Variants in CRTC3 observed in about 807,000 individuals in gnomAD.
The protein encoded by CRTC3 is CREB regulated transcription coactivator 3.
In CRTC3, 26 loss-of-function variants were observed where a neutral mutation model predicts 74.5. The observed-to-expected ratio is 0.35, with a 90% CI of 0.26 to 0.48. The LOEUF is 0.48. Ranked by LOEUF, CRTC3 falls within the 20% of genes least tolerant of loss-of-function variation. The pLI is 0.99. For synonymous variants in CRTC3, 377 were observed against 325.8 expected (o/e 1.16, Z -1.69); for missense variants, 760 against 787.3 (o/e 0.97, Z 0.41).
intron 2 of CRTC3, among the ~76,000 whole-genome samples, chr15:90,587,754 C>CA (rs1174559861): frequency 6.6e-6 from 1 of 152,092 alleles, no homozygotes; most frequent in African/African-American, 2.4e-5. Flanking sequence ...GCTGGGACTA[C>CA]AAGCGTGAAC....
At chr15:90,541,023 T>C (rs548362695) in intron 2 of CRTC3, among the ~76,000 whole-genome samples, 1 of 152,342 alleles carries the variant, frequency 6.6e-6, no homozygotes, top group Non-Finnish European at 1.5e-5. Context: ...GTAGTCTGTA[T>C]TGCATTTAGA....
chr15:90,624,923 C>A (rs1320797995), intron 9 of CRTC3: 1 of 152,688 alleles, frequency 6.5e-6, no homozygotes, highest in African/African-American at 2.4e-5. Flanking sequence ...TATGTGCGTA[C>A]TGCAGTACAG....
At chr15:90,561,816 A>G (rs935089723) in intron 2 of CRTC3, among the ~76,000 whole-genome samples, 3 of 152,228 alleles carry the variant, frequency 2.0e-5, no homozygotes, top group African/African-American at 7.2e-5. Flanking sequence ...AGGAGTTAGA[A>G]TTGGTCCCTA....
At chr15:90,639,210 G>A (rs928098322) in intron 13 of CRTC3, among the ~76,000 whole-genome samples, 6 of 152,080 alleles carry the variant, frequency 3.9e-5, no homozygotes, top group Non-Finnish European at 4.4e-5. Flanking sequence ...CTGCACCCAG[G>A]CTGGTGCACC....
intron 2 of CRTC3, among the ~76,000 whole-genome samples, chr15:90,558,411 C>G (rs899022751): frequency 3.9e-5 from 6 of 152,140 alleles, no homozygotes; most frequent in African/African-American, 1.4e-4. Flanking sequence ...AGGGTAAAGG[C>G]AAAGTGCAAA....
rs1023739079 is a variant in CRTC3 at position 90,642,519 on chromosome 15, C to A, written c.*379C>A. ...TAGTGTGCTCAGAACCACTGATCTC[C>A]GTCCGCACCGAAGGCGGGCCCGGAG... On this transcript the variant is annotated 3_prime_UTR_variant, in exon 15 of 15. Transcript: ENST00000268184. 3.1e-6 allele frequency: 1 copy of A among 327,756 alleles called. No individual in the cohort carries two copies. Among genetic ancestry groups the A allele is most frequent in the Non-Finnish European group, 5.7e-6 (1 of 174,832 alleles). 20.3% of individuals were successfully genotyped at this position (327,756 alleles called of 1,614,324 possible).
chr15:90,586,198 T>C (rs1967656049), intron 2 of CRTC3, among the ~76,000 whole-genome samples: 1 of 152,154 alleles, frequency 6.6e-6, no homozygotes. Context: ...AGTTGTCTTA[T>C]GTAGAATTGC....
intron 13 of CRTC3, among the ~76,000 whole-genome samples, chr15:90,639,877 C>T (rs1035316841): frequency 1.3e-5 from 2 of 151,704 alleles, no homozygotes; most frequent in Non-Finnish European, 2.9e-5. Context: ...GAAACCTTGT[C>T]TCTACTAAAA....
chr15:90,603,415 C>G lies in CRTC3; in HGVS notation c.414-970C>G, dbSNP rs560280532. 3.5e-3 allele frequency among the ~76,000 whole-genome samples: 526 copies of G among 152,070 alleles called. 6 individuals are homozygous for G. Among genetic ancestry groups the G allele is most frequent in the African/African-American group, 0.012 (514 of 41,478 alleles). The stretch of plus-strand genomic sequence containing the variant: ...CCGAGATCACGCCACTGCACTCCAG[C>G]CTGGGTGACAGAGCGAGACTCCATC... On this transcript the variant is annotated intron_variant, in intron 4 of 14. Transcript: ENST00000268184.
chr15:90,576,689 C>T (rs1222468077), intron 2 of CRTC3, among the ~76,000 whole-genome samples: 2 of 152,096 alleles, frequency 1.3e-5, no homozygotes, highest in Non-Finnish European at 2.9e-5. Flanking sequence ...GCATGGAGCC[C>T]CAGGAGCCAG....
chr15:90,633,122 T>C (rs949300609), intron 11 of CRTC3, among the ~76,000 whole-genome samples: 1 of 152,232 alleles, frequency 6.6e-6, no homozygotes, highest in African/African-American at 2.4e-5. Flanking sequence ...AGTGTTTTTA[T>C]AGTTACAATG....
intron 2 of CRTC3, among the ~76,000 whole-genome samples, chr15:90,564,053 G>A (rs558694075): frequency 6.6e-6 from 1 of 152,186 alleles, no homozygotes; most frequent in Non-Finnish European, 1.5e-5. Flanking sequence ...CCCCAGAGTA[G>A]GTACTATTAC....
intron 3 of CRTC3, chr15:90,599,288 C>T (rs543990792): frequency 6.6e-6 from 1 of 152,306 alleles, no homozygotes; most frequent in East Asian, 1.9e-4. Context: ...ATGGAGGAGG[C>T]GCTGATGTGG....
In CRTC3 at chr15:90,629,215, T is replaced by A; in HGVS notation, c.968-19T>A. Reference sequence around the variant, plus strand: ...TTGGTCTGAAATTATAAGTAACTTGTGAATTTGTTGTCTTCCAGGTCTCCA... The same window carrying A: ...TTGGTCTGAAATTATAAGTAACTTGAGAATTTGTTGTCTTCCAGGTCTCCA... On this transcript the variant is annotated intron_variant, in intron 10 of 14. Transcript: ENST00000268184. The A allele has an allele frequency of 1.3e-6, 2 of 1,598,504 alleles. No individual in the cohort carries two copies. The highest frequency in any genetic ancestry group is 1.7e-6 in the Non-Finnish European group (2 of 1,170,410).
intron 2 of CRTC3, among the ~76,000 whole-genome samples, chr15:90,591,131 T>TC (rs1391490661): frequency 1.3e-5 from 2 of 151,148 alleles, no homozygotes; most frequent in Non-Finnish European, 3.0e-5. Context: ...TTTTTTTTTT[T>TC]TTAATTTTTT....
At chr15:90,583,535 C>T (rs1967591062) in intron 2 of CRTC3, among the ~76,000 whole-genome samples, 1 of 152,150 alleles carries the variant, frequency 6.6e-6, no homozygotes, top group Non-Finnish European at 1.5e-5. Flanking sequence ...AGGTTAAAAA[C>T]AAACAAAAAA....
At chr15:90,618,062 T>TG in intron 8 of CRTC3, 94 bp downstream of exon 8, 3 of 767,670 alleles carry the variant, frequency 3.9e-6, no homozygotes, top group South Asian at 3.1e-5. Flanking sequence ...CAAGAGGAAC[T>TG]GGGGGAAAAG....
At chr15:90,636,017 A>G (rs1237539405) in intron 11 of CRTC3, among the ~76,000 whole-genome samples, 2 of 152,192 alleles carry the variant, frequency 1.3e-5, no homozygotes, top group Non-Finnish European at 2.9e-5. Flanking sequence ...ATCCCCATCA[A>G]GCTACCAATG....
intron 2 of CRTC3, among the ~76,000 whole-genome samples, chr15:90,571,528 G>C (rs1298681286): frequency 6.6e-6 from 1 of 152,142 alleles, no homozygotes; most frequent in East Asian, 1.9e-4. Context: ...GATCACAAAG[G>C]ACTTTGCTTT....
Sources: allele counts gnomAD v4.1 joint callset (sites outside exome capture counted in the v4.1 genomes callset), GRCh38; gene constraint gnomAD v4.1.1; transcripts MANE v1.5; gene names NCBI Gene and HGNC (gene_info 2026-07-23, HGNC 2026-07-21).